IL2RB: variants seen among roughly 807,000 people sequenced by gnomAD.
IL2RB encodes interleukin 2 receptor subunit beta, also known as interleukin-2 receptor subunit beta.
A neutral mutation model predicts 44.2 loss-of-function variants in IL2RB; 17 were observed. The observed-to-expected ratio is 0.38, with a 90% CI of 0.26 to 0.58. The LOEUF (loss-of-function observed/expected upper bound fraction) is 0.58. Ranked by LOEUF, IL2RB falls within the 20% of genes least tolerant of loss-of-function variation. IL2RB has a pLI of 0.63. For missense variants in IL2RB, 624 were observed against 685.5 expected, an observed-to-expected ratio of 0.91 and a Z score of 1.00; for synonymous variants, 286 against 297.9, an observed-to-expected ratio of 0.96 and a Z score of 0.41.
In IL2RB at chr22:37,126,536, G is replaced by A. The variant is rs946729253; in HGVS notation, c.*1560C>T. The stretch of plus-strand genomic sequence containing the variant: ...AAGACAGAGTTGATCTGATTGGCTA[G>A]TTCAGGCCCAGCCTACCTGATTGGA... On this transcript the variant is annotated 3_prime_UTR_variant, in exon 10 of 10. Transcript: ENST00000216223. The A allele has an allele frequency of 5.3e-5, 8 of 152,210 alleles. No homozygotes were observed. The highest frequency in any genetic ancestry group is 1.9e-4 in the African/African-American group (8 of 41,440). 9.4% of individuals were successfully genotyped at this position (152,210 alleles called of 1,614,324 possible).
chr22:37,138,818 A>G (rs2146238629), intron 5 of IL2RB, among the ~76,000 whole-genome samples: 1 of 152,326 alleles, frequency 6.6e-6, no homozygotes, highest in East Asian at 1.9e-4. Context: ...CGGCATGTGC[A>G]AGGGCTCAGA....
Position 37,128,726 on chromosome 22 carries a change from C to G in IL2RB, c.1026G>C (p.Lys342Asn), listed in dbSNP as rs776131925. ...TGCTTAAGGATGCGGGCTCAGGCAC[C>G]TTGTCCTGCTGCAGGAGCAGCTGCG... ...KVTQLLLQQD[K>N]VPEPASLSSN... is the part of the protein sequence containing the mutation. Residue 342 changes from lysine to asparagine, a missense_variant, in exon 10 of 10, where the codon AAG (lysine) becomes AAC (asparagine). By Grantham distance (94) the Lys-to-Asn change is moderately conservative (BLOSUM62 0). Coordinates refer to ENST00000216223, the MANE Select transcript of IL2RB (RefSeq NM_000878.5). The surrounding 1 kb of genome is among the most constrained non-coding windows in gnomAD (Gnocchi z 4.5). 1.9e-6 allele frequency: 3 copies of G among 1,614,170 alleles called. No individual in the cohort carries two copies. The Admixed American group carries it at 5.0e-5, about 27-fold the overall frequency.
chr22:37,159,635 G>A (rs1007481298), intron 1 of IL2RB, among the ~76,000 whole-genome samples: 1 of 152,196 alleles, frequency 6.6e-6, no homozygotes, highest in African/African-American at 2.4e-5. Flanking sequence ...TCTAAACAAG[G>A]TGAGGCCGAG....
Position 37,140,823 on chromosome 22 carries a change from G to T in IL2RB, c.283-1601C>A, listed in dbSNP as rs187781777. ...AATGCAACGGTGAGAAGCCTGAACT[G>T]GGAGCCCGCAGGCCTGGGTTCAATC... On this transcript the variant is annotated intron_variant, in intron 4 of 9. Coordinates refer to ENST00000216223, the MANE Select transcript of IL2RB (RefSeq NM_000878.5). Among the ~76,000 whole-genome samples, 177 of 152,294 alleles carry T rather than the reference G, an allele frequency of 1.2e-3. 1 individual carries two copies. The highest frequency in any genetic ancestry group is 4.1e-3 in the African/African-American group (171 of 41,560).
intron 1 of IL2RB, among the ~76,000 whole-genome samples, chr22:37,171,871 AC>A (rs1487563993): frequency 6.6e-6 from 1 of 152,082 alleles, no homozygotes; most frequent in Non-Finnish European, 1.5e-5. Flanking sequence ...AGACCCAAAC[AC>A]ATATGGGCAG....
chr22:37,141,570 C>T lies in IL2RB; in HGVS notation c.282+864G>A, dbSNP rs537773570. 6.6e-6 allele frequency among the ~76,000 whole-genome samples: 1 copy of T among 152,240 alleles called. No individual in the cohort carries two copies. Among genetic ancestry groups the T allele is most frequent in the Non-Finnish European group, 1.5e-5 (1 of 67,996 alleles). On this transcript the variant is annotated intron_variant, in intron 4 of 9. Coordinates refer to ENST00000216223, the MANE Select transcript of IL2RB (RefSeq NM_000878.5). The surrounding 1 kb of genome is among the most constrained non-coding windows in gnomAD (Gnocchi z 4.4). ...GCAGCTGCAGCTGCCCAAGCCAGGA[C>T]CCAGGCATCTCTACTGCCCCCACAA...
intron 1 of IL2RB, among the ~76,000 whole-genome samples, chr22:37,169,827 C>T (rs1033637449): frequency 1.3e-5 from 2 of 152,236 alleles, no homozygotes; most frequent in Non-Finnish European, 2.9e-5. Flanking sequence ...TTCCTTCTCT[C>T]CCCAACTAAA....
chr22:37,162,405 C>G (rs1460709985), intron 1 of IL2RB, among the ~76,000 whole-genome samples: 4 of 152,176 alleles, frequency 2.6e-5, no homozygotes, highest in African/African-American at 9.7e-5. Flanking sequence ...GAGCTCACAG[C>G]CCACCGACTT....
At chr22:37,158,928 T>C (rs1922768441) in intron 1 of IL2RB, among the ~76,000 whole-genome samples, 2 of 152,204 alleles carry the variant, frequency 1.3e-5, no homozygotes, top group Admixed American at 1.3e-4. Flanking sequence ...AAGCATTTTG[T>C]CCACAGCCAC....
chr22:37,143,782 C>T, intron 2 of IL2RB, 147 bp from the exon 3 acceptor site: 1 of 676,392 alleles, frequency 1.5e-6, no homozygotes, highest in South Asian at 1.8e-5. Flanking sequence ...CATGGACCCA[C>T]TTCAGAGAGG....
intron 9 of IL2RB, among the ~76,000 whole-genome samples, chr22:37,130,582 C>G (rs556034257): frequency 6.6e-6 from 1 of 152,364 alleles, no homozygotes; most frequent in African/African-American, 2.4e-5. Context: ...TTCCTCAGGA[C>G]CCCGCTCCAC....
At chr22:37,131,030 G>A (rs1921397852) in intron 9 of IL2RB, among the ~76,000 whole-genome samples, 1 of 152,228 alleles carries the variant, frequency 6.6e-6, no homozygotes, top group South Asian at 2.1e-4. Context: ...AGCCAAGTGT[G>A]GTGGTGTGTG....
upstream of IL2RB, among the ~76,000 whole-genome samples, chr22:37,151,374 T>C (rs746290751): frequency 6.6e-6 from 1 of 152,372 alleles, no homozygotes; most frequent in Non-Finnish European, 1.5e-5. Flanking sequence ...TTTTGAGAAC[T>C]GTCTATTCAG....
chr22:37,157,201 G>A (rs1184046860), intron 1 of IL2RB, among the ~76,000 whole-genome samples: 8 of 152,304 alleles, frequency 5.3e-5, no homozygotes, highest in African/African-American at 7.2e-5. Context: ...GCTAGCGGCC[G>A]ACTTCCTGAG....
intron 1 of IL2RB, among the ~76,000 whole-genome samples, chr22:37,159,233 GCTTT>G (rs1199180647): frequency 6.6e-6 from 1 of 151,878 alleles, no homozygotes; most frequent in African/African-American, 2.4e-5. Flanking sequence ...ACACTTGCTT[GCTTT>G]TTTTTTTCTT....
intron 6 of IL2RB, 60 bp from the exon 7 acceptor site, chr22:37,136,453 TG>T: frequency 6.6e-7 from 1 of 1,522,460 alleles, no homozygotes; most frequent in Non-Finnish European, 8.8e-7. Context: ...GCCAGGAGGC[TG>T]AGCATCACAG....
chr22:37,155,192 C>A (rs1922636527), intron 1 of IL2RB, among the ~76,000 whole-genome samples: 2 of 152,112 alleles, frequency 1.3e-5, no homozygotes, highest in Non-Finnish European at 2.9e-5. Flanking sequence ...GAGAGGTGCA[C>A]CTGCTTTCTT....
At chr22:37,167,894 G>C (rs187593925) in intron 1 of IL2RB, among the ~76,000 whole-genome samples, 30 of 152,370 alleles carry the variant, frequency 2.0e-4, no homozygotes, top group Non-Finnish European at 4.4e-5. Flanking sequence ...GGAAGGGAAG[G>C]GGTGCGGGAG....
intron 1 of IL2RB, among the ~76,000 whole-genome samples, chr22:37,165,340 A>G (rs1224728727): frequency 6.6e-6 from 1 of 151,836 alleles, no homozygotes; most frequent in Non-Finnish European, 1.5e-5. Flanking sequence ...TCCAGAACCC[A>G]CTCTGTCCTT....
Sources: gnomAD v4.1 joint callset for allele counts (sites outside exome capture counted in the v4.1 genomes callset) on GRCh38, gnomAD v4.1.1 for gene constraint, Gnocchi (gnomAD v3.1) non-coding constraint, MANE v1.5 for transcripts, NCBI Gene and HGNC (gene_info 2026-07-23, HGNC 2026-07-21) for gene names.